Variants in MICAL2 observed in about 807,000 individuals in gnomAD.
MICAL2 encodes the protein microtubule associated monooxygenase, calponin and LIM domain containing 2, also known as [F-actin]-monooxygenase MICAL2.
A neutral mutation model predicts 127.3 loss-of-function variants in MICAL2; 77 were observed. The ratio of observed to expected loss-of-function variants is 0.60; its 90% CI spans 0.50 to 0.73. MICAL2 has a LOEUF of 0.73. MICAL2 is among the 30% of genes least tolerant of loss of function. The pLI, the probability that MICAL2 is intolerant of heterozygous loss-of-function variation, is 0.00. For missense variants in MICAL2, 1,351 were observed against 1,434.4 expected (o/e 0.94, Z 0.94); for synonymous variants, 570 against 551.1 (o/e 1.03, Z -0.48).
At position 12,259,906 on chromosome 11, in the gene MICAL2, ACCT is replaced by A; in HGVS notation, c.3334+13_3334+15del. On this transcript the variant is annotated intron_variant, in intron 26 of 27. Coordinates refer to ENST00000683283, the MANE Select transcript of MICAL2 (RefSeq NM_001282663.2). ...GGAAGGCAGCCCCCCAGGTATCTCC[ACCT>A]CCTTCTTTAGGAAGGTGCTGGGCTG... The A allele has an allele frequency of 6.2e-7, 1 of 1,612,558 alleles. No homozygotes were observed. Among genetic ancestry groups the A allele is most frequent in the Non-Finnish European group, 8.5e-7 (1 of 1,179,260 alleles).
intron 2 of MICAL2, among the ~76,000 whole-genome samples, chr11:12,141,995 A>G (rs1050779620): frequency 6.6e-6 from 1 of 152,248 alleles, no homozygotes; most frequent in African/African-American, 2.4e-5. Flanking sequence ...ATTAGTAAAG[A>G]AACTGAGGCC....
chr11:12,323,508 C>G (rs1864323357), intron 30 of MICAL2, among the ~76,000 whole-genome samples: 1 of 152,126 alleles, frequency 6.6e-6, no homozygotes, highest in Non-Finnish European at 1.5e-5. Context: ...CCCCTCATCC[C>G]TGGGCCATAT....
intron 3 of MICAL2, among the ~76,000 whole-genome samples, chr11:12,198,950 A>T (rs1860302294): frequency 6.6e-6 from 1 of 152,164 alleles, no homozygotes; most frequent in Non-Finnish European, 1.5e-5. Context: ...TCCTTTCAGG[A>T]GGCCACAGTG....
Position 12,258,561 on chromosome 11 carries a change from G to A in MICAL2, c.3231+5G>A. 3 of 1,612,280 alleles carry A rather than the reference G, an allele frequency of 1.9e-6. No individual in the cohort carries two copies. The highest frequency in any genetic ancestry group is 2.7e-5 in the African/African-American group (2 of 75,038). ...GAGTTGAAGCAACAAAGAGAGGTAT[G>A]TTTGTCTCAAACATGCTGGTGAAAC... On this transcript the variant is annotated splice_donor_5th_base_variant and intron_variant, in intron 25 of 27. Transcript: ENST00000683283.
At chr11:12,123,393 T>C (rs1377724895) in intron 1 of MICAL2, among the ~76,000 whole-genome samples, 1 of 152,204 alleles carries the variant, frequency 6.6e-6, no homozygotes, top group East Asian at 1.9e-4. Context: ...TCATCTCTCT[T>C]GTCCCTGGAA....
At chr11:12,216,395 C>G in intron 8 of MICAL2, 76 bp downstream of exon 8, 1 of 1,148,264 alleles carries the variant, frequency 8.7e-7, no homozygotes. Flanking sequence ...AGGCAGATGT[C>G]GTCCTGCCAG....
At chr11:12,112,422 G>A (rs1849679310) in intron 1 of MICAL2, among the ~76,000 whole-genome samples, 1 of 152,096 alleles carries the variant, frequency 6.6e-6, no homozygotes, top group East Asian at 1.9e-4. Context: ...ATTTTGGAAG[G>A]AAGCCTGCTT....
chr11:12,168,522 C>T (rs1855827475), intron 3 of MICAL2, among the ~76,000 whole-genome samples: 1 of 151,744 alleles, frequency 6.6e-6, no homozygotes, highest in South Asian at 2.1e-4. Flanking sequence ...CATAACACCA[C>T]ACACACACTA....
At chr11:12,343,666 C>A (rs946900560) in intron 32 of MICAL2, among the ~76,000 whole-genome samples, 6 of 152,010 alleles carry the variant, frequency 3.9e-5, no homozygotes, top group Admixed American at 6.6e-5. Context: ...AAAACAACAA[C>A]AAAAAATGCT....
At chr11:12,326,214 G>A (rs1336311960) in intron 31 of MICAL2, among the ~76,000 whole-genome samples, 1 of 152,132 alleles carries the variant, frequency 6.6e-6, no homozygotes, top group Non-Finnish European at 1.5e-5. Flanking sequence ...AACAGAGGAG[G>A]AACACAGGCA....
At chr11:12,304,309 C>T (rs1415768229) in intron 29 of MICAL2, among the ~76,000 whole-genome samples, 4 of 152,000 alleles carry the variant, frequency 2.6e-5, no homozygotes, top group African/African-American at 9.7e-5. Flanking sequence ...ATGTTGTTAT[C>T]CAATCAATTA....
At chr11:12,217,427 C>T (rs919214628) in intron 8 of MICAL2, among the ~76,000 whole-genome samples, 6 of 152,128 alleles carry the variant, frequency 3.9e-5, no homozygotes. Context: ...GTGAAGTGGG[C>T]TGAGCACGCC....
At chr11:12,142,361 T>C (rs1188363195) in intron 2 of MICAL2, among the ~76,000 whole-genome samples, 2 of 152,242 alleles carry the variant, frequency 1.3e-5, no homozygotes, top group Non-Finnish European at 1.5e-5. Flanking sequence ...GGTGAAAGAT[T>C]AATTCAAGAC....
At chr11:12,329,519 C>G (rs1413294594) in intron 32 of MICAL2, among the ~76,000 whole-genome samples, 3 of 152,092 alleles carry the variant, frequency 2.0e-5, no homozygotes, top group African/African-American at 7.2e-5. Context: ...GCCAATAAGC[C>G]CTGTGTTCAA....
intron 29 of MICAL2, among the ~76,000 whole-genome samples, chr11:12,305,940 T>TC (rs35947849): frequency 0.2 from 31,000 of 152,152 alleles, 3,725 homozygotes; most frequent in African/African-American, 0.3. Flanking sequence ...TATTGAGTCT[T>TC]CCATCTAAGA....
chr11:12,286,853 G>A (rs969896537), intron 2 of MICAL2: 2 of 312,400 alleles, frequency 6.4e-6, no homozygotes, highest in African/African-American at 4.3e-5. Context: ...CCAGCCTGGT[G>A]ACAAGCAAAC....
intron 1 of MICAL2, among the ~76,000 whole-genome samples, chr11:12,113,523 C>T (rs868035423): frequency 1.3e-5 from 2 of 152,264 alleles, no homozygotes; most frequent in Admixed American, 6.5e-5. Context: ...TTGGCAGGCA[C>T]AGCTCCTCTG....
At chr11:12,138,022 T>G (rs1393402698) in intron 1 of MICAL2, among the ~76,000 whole-genome samples, 1 of 152,252 alleles carries the variant, frequency 6.6e-6, no homozygotes, top group Admixed American at 6.5e-5. Flanking sequence ...CTGCTTGATT[T>G]ACTTTCATTG....
rs115887629 is a variant in MICAL2 at position 12,231,604 on chromosome 11, G to A, written c.1995+4473G>A. Among the ~76,000 whole-genome samples, 499 of 152,308 alleles carry A rather than the reference G, an allele frequency of 3.3e-3. 1 individual carries two copies. The highest frequency in any genetic ancestry group is 0.011 in the African/African-American group (452 of 41,562). On this transcript the variant is annotated intron_variant, in intron 15 of 27. Coordinates refer to ENST00000683283, the MANE Select transcript of MICAL2 (RefSeq NM_001282663.2). ...CAGTACTGGGGATGGAGCAGTGAAC[G>A]AAACAAGCGAGGACCCTGCGTAGGC...
Sources: gnomAD v4.1 joint callset for allele counts (sites outside exome capture counted in the v4.1 genomes callset) on GRCh38, gnomAD v4.1.1 for gene constraint, MANE v1.5 for transcripts, NCBI Gene and HGNC (gene_info 2026-07-23, HGNC 2026-07-21) for gene names.